Variants in SEPTIN11 observed in about 807,000 individuals in gnomAD.
SEPTIN11 encodes the protein septin 11, also known as septin-11.
A neutral mutation model predicts 51.4 loss-of-function variants in SEPTIN11; 25 were observed. That is an observed-to-expected ratio of 0.49 (90% CI 0.35 to 0.68). The LOEUF (loss-of-function observed/expected upper bound fraction) is 0.68. SEPTIN11 is among the 30% of genes least tolerant of loss of function. The probability of loss-of-function intolerance (pLI) is 0.00; values close to 1 mark genes in which losing one functional copy is unlikely to be tolerated. For synonymous variants in SEPTIN11, 174 were observed against 184.1 expected (o/e 0.95, Z 0.44); for missense variants, 381 against 520.8 (o/e 0.73, Z 2.61).
intron 1 of SEPTIN11, among the ~76,000 whole-genome samples, chr4:76,991,168 A>C (rs1054813839): frequency 6.6e-6 from 1 of 152,178 alleles, no homozygotes; most frequent in African/African-American, 2.4e-5. Context: ...CAACTACTGT[A>C]GGTAAAGGAA....
At chr4:76,978,226 G>A (rs1439894897) in intron 1 of SEPTIN11, among the ~76,000 whole-genome samples, 1 of 152,058 alleles carries the variant, frequency 6.6e-6, no homozygotes, top group African/African-American at 2.4e-5. Flanking sequence ...GCTGGTGGTG[G>A]AGGTCTCTTC....
At chr4:76,996,883 C>CTT (rs567525535) in intron 2 of SEPTIN11, among the ~76,000 whole-genome samples, 15,230 of 126,230 alleles carry the variant, frequency 0.12, 1,430 homozygotes, top group South Asian at 0.2. Context: ...CTAGCCATAT[C>CTT]TTTTTTTTTT....
intron 6 of SEPTIN11, among the ~76,000 whole-genome samples, chr4:77,020,292 G>A (rs1217129402): frequency 6.6e-6 from 1 of 152,202 alleles, no homozygotes; most frequent in Non-Finnish European, 1.5e-5. Context: ...GCACTCAGCA[G>A]TCAGCGTTGT....
intron 1 of SEPTIN11, among the ~76,000 whole-genome samples, chr4:76,983,900 C>T (rs1364827865): frequency 3.3e-5 from 5 of 151,984 alleles, no homozygotes; most frequent in African/African-American, 4.8e-5. Flanking sequence ...CCCAGCTACT[C>T]GGAAGCTGAG....
In SEPTIN11 at chr4:77,035,705, T is replaced by C; in HGVS notation, c.*1193T>C. 1 of 985,906 alleles carries C rather than the reference T, an allele frequency of 1.0e-6. No individual in the cohort carries two copies. The allele number at this position is 985,906 out of a possible 1,614,324, so 61.1% of individuals were successfully genotyped here. ...TGTCTGGAATTTTCCTCACCTTGGC[T>C]AGCTCCACCTGCTCTTTGTCTAAGG... On this transcript the variant is annotated 3_prime_UTR_variant, in exon 10 of 10. Coordinates refer to ENST00000264893, the MANE Select transcript of SEPTIN11 (RefSeq NM_018243.4).
At chr4:76,965,207 T>C (rs1213930916) in intron 1 of SEPTIN11, among the ~76,000 whole-genome samples, 1 of 152,084 alleles carries the variant, frequency 6.6e-6, no homozygotes, top group Non-Finnish European at 1.5e-5. Flanking sequence ...TGCCAGCACT[T>C]TGGGAGGCCA....
rs955866506 is a variant in SEPTIN11, at chr4:76,951,673, G to A, written c.27+1743G>A. Among the ~76,000 whole-genome samples the A allele has an allele frequency of 2.0e-5, 3 of 152,198 alleles. No homozygotes were observed. The South Asian group carries it at 6.2e-4, about 31-fold the overall frequency. ...GGGTGTTTGGCTTTTTCAGTAACAC[G>A]TATTATTGCTGGTGCATTCTTGAGG... On this transcript the variant is annotated intron_variant, in intron 1 of 9. Coordinates refer to ENST00000264893, the MANE Select transcript of SEPTIN11 (RefSeq NM_018243.4).
At chr4:76,952,859 G>T (rs537296968) in intron 1 of SEPTIN11, among the ~76,000 whole-genome samples, 1 of 152,102 alleles carries the variant, frequency 6.6e-6, no homozygotes, top group South Asian at 2.1e-4. Context: ...GCATTTTTGC[G>T]TCCAAATCCC....
intron 1 of SEPTIN11, among the ~76,000 whole-genome samples, chr4:76,976,839 C>G (rs902526223): frequency 6.6e-6 from 1 of 152,180 alleles, no homozygotes; most frequent in African/African-American, 2.4e-5. Flanking sequence ...TGACCCTTCT[C>G]CACCCATCTA....
intron 1 of SEPTIN11, among the ~76,000 whole-genome samples, chr4:76,977,117 T>C (rs1253992212): frequency 6.6e-6 from 1 of 152,162 alleles, no homozygotes; most frequent in Non-Finnish European, 1.5e-5. Flanking sequence ...AGTAAAAAGC[T>C]CAAGAGAGAG....
At chr4:77,010,411 T>C (rs1724780163) in intron 3 of SEPTIN11, among the ~76,000 whole-genome samples, 1 of 152,104 alleles carries the variant, frequency 6.6e-6, no homozygotes, top group Non-Finnish European at 1.5e-5. Flanking sequence ...TATTGGAATT[T>C]TGCCTGTCAT....
At chr4:76,959,339 C>G (rs1379144978) in intron 1 of SEPTIN11, among the ~76,000 whole-genome samples, 2 of 151,160 alleles carry the variant, frequency 1.3e-5, no homozygotes, top group Admixed American at 1.3e-4. Flanking sequence ...GTCTCAAACC[C>G]CTGGCCTCAA....
Position 77,035,773 on chromosome 4 carries a change from C to T in SEPTIN11, c.*1261C>T, listed in dbSNP as rs1726983494. ...ATTAGAACTGGCCCATATGCCAGAA[C>T]CTGTACTAAATGCCTAATTTGTATG... is the stretch of plus-strand genomic sequence containing the variant. On this transcript the variant is annotated 3_prime_UTR_variant, in exon 10 of 10. Transcript: ENST00000264893. 2 of 985,726 alleles carry T rather than the reference C, an allele frequency of 2.0e-6. No individual in the cohort carries two copies. Among genetic ancestry groups the T allele is most frequent in the Non-Finnish European group, 1.2e-6 (1 of 829,922 alleles). The allele number at this position is 985,726 out of a possible 1,614,324, so 61.1% of individuals were successfully genotyped here.
At position 77,028,713 on chromosome 4, in the gene SEPTIN11, T is replaced by C. The variant is rs767571820; in HGVS notation, c.1038T>C (p.Val346=). 6 of 1,613,720 alleles carry C rather than the reference T, an allele frequency of 3.7e-6. No homozygotes were observed. The highest frequency in any genetic ancestry group is 5.1e-6 in the Non-Finnish European group (6 of 1,179,904). ...AAGAAGAAATGAGACAAATGTTTGTTATGAGAGTGAAGGAGAAAGAAGCTG... is the reference window on the plus strand; with the variant it reads ...AAGAAGAAATGAGACAAATGTTTGTCATGAGAGTGAAGGAGAAAGAAGCTG... ...KKEEEMRQMF[V]MRVKEKEAEL... is the part of the protein sequence containing the mutation. Residue 346 remains valine (V), a synonymous_variant, in exon 8 of 10, where the codon GTT becomes GTC. Coordinates refer to ENST00000264893, the MANE Select transcript of SEPTIN11 (RefSeq NM_018243.4).
At chr4:76,981,306 G>C (rs1451732432) in intron 1 of SEPTIN11, among the ~76,000 whole-genome samples, 2 of 152,184 alleles carry the variant, frequency 1.3e-5, no homozygotes, top group Non-Finnish European at 2.9e-5. Flanking sequence ...GACAATGGAG[G>C]GGGTGGAGAG....
chr4:77,037,707 A>G lies in SEPTIN11; in HGVS notation c.*3195A>G. ...TTCTTCTGAACTTTAGATCTCCATA[A>G]CACATGTACTGTAGAATGTGATGGA... On this transcript the variant is annotated 3_prime_UTR_variant, in exon 10 of 10. Coordinates refer to ENST00000264893, the MANE Select transcript of SEPTIN11 (RefSeq NM_018243.4). 1 of 985,798 alleles carries G rather than the reference A, an allele frequency of 1.0e-6. No homozygotes were observed. The highest frequency in any genetic ancestry group is 1.2e-6 in the Non-Finnish European group (1 of 829,908). The allele number at this position is 985,798 out of a possible 1,614,324, so 61.1% of individuals were successfully genotyped here.
At chr4:76,959,063 A>G (rs555297038) in intron 1 of SEPTIN11, 15 of 694,588 alleles carry the variant, frequency 2.2e-5, no homozygotes, top group Admixed American at 5.4e-5. Context: ...AGACTTGATC[A>G]TTTTGCAAGG....
intron 2 of SEPTIN11, among the ~76,000 whole-genome samples, chr4:77,002,249 G>A (rs1035064549): frequency 2.6e-5 from 4 of 152,132 alleles, no homozygotes; most frequent in African/African-American, 4.8e-5. Context: ...CCACCTTAAT[G>A]TAAATGATAA....
At chr4:76,974,906 T>A in intron 1 of SEPTIN11, 2 of 455,062 alleles carry the variant, frequency 4.4e-6, no homozygotes, top group Non-Finnish European at 8.8e-6. Context: ...GCAGATCACT[T>A]GAGGCCAGGA....
Sources: gnomAD v4.1 joint callset for allele counts (sites outside exome capture counted in the v4.1 genomes callset) on GRCh38, gnomAD v4.1.1 for gene constraint, MANE v1.5 for transcripts, NCBI Gene and HGNC (gene_info 2026-07-23, HGNC 2026-07-21) for gene names.